Variants in PRSS23 observed in about 807,000 individuals in gnomAD.
PRSS23 encodes serine protease 23.
PRSS23 carries 25 observed loss-of-function variants against 34.7 expected under a neutral mutation model. That is an observed-to-expected ratio of 0.72 (90% CI 0.53 to 1.01). The LOEUF is 1.01. Among genes scored for constraint, PRSS23 ranks in the 50% least tolerant of loss-of-function variants. The pLI is 0.00. For synonymous variants in PRSS23, 176 were observed against 186.6 expected (o/e 0.94, Z 0.46); for missense variants, 445 against 475.6 (o/e 0.94, Z 0.60).
At chr11:86,950,985 TG>T in intron 2 of PRSS23, 1 of 767,150 alleles carries the variant, frequency 1.3e-6, no homozygotes, top group Non-Finnish European at 2.2e-6. Flanking sequence ...TTTTTGATGC[TG>T]GGGTCGGGGT....
At chr11:86,933,384 T>C (rs11234884) in intron 2 of PRSS23, 1 of 152,088 alleles carries the variant, frequency 6.6e-6, no homozygotes, top group Non-Finnish European at 1.5e-5. Flanking sequence ...TCGAAAAAAA[T>C]GGCTCTCAAG....
At chr11:86,931,139 C>T (rs945349928) in intron 2 of PRSS23, among the ~76,000 whole-genome samples, 8 of 152,188 alleles carry the variant, frequency 5.3e-5, no homozygotes, top group Non-Finnish European at 8.8e-5. Flanking sequence ...ATGTTGACAA[C>T]TCATATATCT....
chr11:86,943,734 G>A (rs1231301510), intron 2 of PRSS23, among the ~76,000 whole-genome samples: 1 of 152,082 alleles, frequency 6.6e-6, no homozygotes, highest in African/African-American at 2.4e-5. Flanking sequence ...GTGGCCAAAG[G>A]CAACAGGAAT....
At chr11:86,827,557 C>G (rs11501850) in intron 2 of PRSS23, among the ~76,000 whole-genome samples, 1,526 of 151,874 alleles carry the variant, frequency 0.01, 30 homozygotes, top group African/African-American at 0.035. Context: ...GTTTGCTCTT[C>G]CTTTTCTAGT....
At chr11:86,884,582 G>C (rs1281991469) in intron 2 of PRSS23, among the ~76,000 whole-genome samples, 1 of 152,134 alleles carries the variant, frequency 6.6e-6, no homozygotes, top group Non-Finnish European at 1.5e-5. Flanking sequence ...GATTACAGGC[G>C]TAAGCCACCA....
chr11:86,834,510 C>G lies in PRSS23; in HGVS notation c.206+10917C>G, dbSNP rs963842938. On this transcript the variant is annotated intron_variant, in intron 2 of 2. Coordinates refer to the PRSS23 transcript ENST00000533902. ...CTGCTTGGTGATTCCCTTCTATTTT[C>G]CTTTCCTTTCCTTTCCTTTCCTTTC... Among the ~76,000 whole-genome samples, 4 of 119,306 alleles carry G rather than the reference C, an allele frequency of 3.4e-5. No homozygotes were observed. The East Asian group carries it at 9.3e-4, about 28-fold the overall frequency. The allele number at this position is 119,306 out of a possible 152,430, so 78.3% of individuals were successfully genotyped here.
At chr11:86,832,166 A>G (rs1948362939) in intron 2 of PRSS23, among the ~76,000 whole-genome samples, 1 of 152,114 alleles carries the variant, frequency 6.6e-6, no homozygotes, top group South Asian at 2.1e-4. Context: ...GTACACCCCC[A>G]GTGATGTCAT....
intron 2 of PRSS23, among the ~76,000 whole-genome samples, chr11:86,878,233 C>CTCCCTCTCCCTCATCTCCGT (rs1590908411): frequency 1.2e-5 from 1 of 84,866 alleles, no homozygotes; most frequent in Non-Finnish European, 2.1e-5. Context: ...TACCCCTCCC[C>CTCCCTCTCCCTCATCTCCGT]CTCCCTCTCC....
intron 2 of PRSS23, chr11:86,857,666 G>C (rs1229715463): frequency 2.0e-5 from 11 of 542,482 alleles, no homozygotes; most frequent in Non-Finnish European, 3.6e-5. Flanking sequence ...TAGGCCATCA[G>C]AGTCAGGAGC....
intron 1 of PRSS23, among the ~76,000 whole-genome samples, chr11:86,791,971 T>C (rs531384514): frequency 4.6e-5 from 7 of 152,396 alleles, no homozygotes; most frequent in Admixed American, 2.0e-4. Context: ...ATGTTAATAT[T>C]TGGATACATT....
At position 86,822,630 on chromosome 11, in the gene PRSS23, A is replaced by G. The variant is rs201761899; in HGVS notation, c.-11-747A>G. Among the ~76,000 whole-genome samples the G allele has an allele frequency of 1.7e-3, 258 of 151,688 alleles. 1 individual carries two copies. The highest frequency in any genetic ancestry group is 5.0e-3 in the African/African-American group (207 of 41,336). ...GAGTGTGAACCTGACTAAAAAAAAAAAAAAAAAAAATGCAGAACTAGGACC... is the reference window on the plus strand; with the variant it reads ...GAGTGTGAACCTGACTAAAAAAAAAGAAAAAAAAAATGCAGAACTAGGACC... On this transcript the variant is annotated intron_variant, in intron 1 of 2. Coordinates refer to the PRSS23 transcript ENST00000533902.
intron 2 of PRSS23, among the ~76,000 whole-genome samples, chr11:86,860,616 A>G (rs571824759): frequency 1.3e-5 from 2 of 152,044 alleles, no homozygotes; most frequent in African/African-American, 4.8e-5. Flanking sequence ...CGTTCCTACT[A>G]TCCAAGAAGG....
intron 2 of PRSS23, among the ~76,000 whole-genome samples, chr11:86,904,538 G>A (rs1948930197): frequency 6.6e-6 from 1 of 152,148 alleles, no homozygotes; most frequent in East Asian, 1.9e-4. Context: ...CCCAGGTGGT[G>A]CTATGTACCC....
At chr11:86,826,865 C>T (rs1216202446) in intron 2 of PRSS23, among the ~76,000 whole-genome samples, 1 of 152,126 alleles carries the variant, frequency 6.6e-6, no homozygotes, top group African/African-American at 2.4e-5. Context: ...GGTGGATAAG[C>T]TTTTTGATGT....
chr11:86,802,481 C>A (rs908535695), intron 1 of PRSS23, among the ~76,000 whole-genome samples: 2 of 152,188 alleles, frequency 1.3e-5, no homozygotes, highest in African/African-American at 4.8e-5. Flanking sequence ...GAGCTTGGTT[C>A]ATTCTTAAGC....
rs981376684 is a variant in PRSS23 at position 86,823,453 on chromosome 11, A to G, written c.66A>G (p.Arg22=). 2.3e-5 allele frequency: 16 copies of G among 702,276 alleles called. No homozygotes were observed. The Middle Eastern group carries it at 6.8e-4, about 30-fold the overall frequency. 43.5% of individuals were successfully genotyped at this position (702,276 alleles called of 1,614,324 possible). Residue 22 remains arginine (R), a synonymous_variant, in exon 2 of 3, where the codon CGA becomes CGG. Transcript: ENST00000533902. ...CTCATGCCCCCACAACTGTGAAGCGAGAGGGCTCAACAGTTTCGAATTCAA... is the reference window on the plus strand; with the variant it reads ...CTCATGCCCCCACAACTGTGAAGCGGGAGGGCTCAACAGTTTCGAATTCAA...
At position 86,808,883 on chromosome 11, in the gene PRSS23, C is replaced by T. The variant is rs1170535477; in HGVS notation, c.*88C>T. 7.9e-6 allele frequency: 7 copies of T among 887,446 alleles called. No homozygotes were observed. Among genetic ancestry groups the T allele is most frequent in the South Asian group, 3.3e-5 (2 of 60,548 alleles). 55.0% of individuals were successfully genotyped at this position (887,446 alleles called of 1,614,324 possible). A position where few individuals can be genotyped will look rare whatever the true frequency, so the allele number is the denominator to read the frequency against. ...TTGTTTTTTGTCATTGGCGTGCACA[C>T]GTGTGTGTGTGTGTGTGTGTGTGTG... On this transcript the variant is annotated 3_prime_UTR_variant, in exon 2 of 2. Transcript: ENST00000280258.
At chr11:86,902,906 T>A (rs1948920640) in intron 2 of PRSS23, among the ~76,000 whole-genome samples, 1 of 152,296 alleles carries the variant, frequency 6.6e-6, no homozygotes, top group Middle Eastern at 3.4e-3. Flanking sequence ...ATTCTGAGTC[T>A]ACCACTAAGT....
At chr11:86,914,230 A>T (rs1037043517) in intron 2 of PRSS23, among the ~76,000 whole-genome samples, 2 of 152,106 alleles carry the variant, frequency 1.3e-5, no homozygotes, top group African/African-American at 4.8e-5. Flanking sequence ...CATCTCAAAA[A>T]ACAAAAAACA....
Sources: gnomAD v4.1 joint callset for allele counts (sites outside exome capture counted in the v4.1 genomes callset) on GRCh38, gnomAD v4.1.1 for gene constraint, MANE v1.5 for transcripts, NCBI Gene and HGNC (gene_info 2026-07-23, HGNC 2026-07-21) for gene names.